NKAIN3: variants seen among roughly 807,000 people sequenced by gnomAD.
The protein encoded by NKAIN3 is sodium/potassium-transporting ATPase subunit beta-1-interacting protein 3.
NKAIN3 carries 25 observed loss-of-function variants against 30.2 expected under a neutral mutation model. That is an observed-to-expected ratio of 0.83 (90% CI 0.60 to 1.16). NKAIN3 has a LOEUF of 1.16. NKAIN3 is among the 50% of genes most tolerant of loss of function. The pLI, the probability that NKAIN3 is intolerant of heterozygous loss-of-function variation, is 0.00. For missense variants in NKAIN3, 225 were observed against 254.1 expected (o/e 0.89, Z 0.78); for synonymous variants, 91 against 89.6 (o/e 1.02, Z -0.09).
At chr8:62,823,113 T>C (rs995849494) in intron 4 of NKAIN3, among the ~76,000 whole-genome samples, 3 of 152,102 alleles carry the variant, frequency 2.0e-5, no homozygotes, top group Admixed American at 6.6e-5. Context: ...GGTGAGTGAA[T>C]GTGAAGGCCT....
At chr8:62,925,071 A>AT (rs1232963411) in intron 5 of NKAIN3, among the ~76,000 whole-genome samples, 5 of 152,076 alleles carry the variant, frequency 3.3e-5, no homozygotes, top group African/African-American at 1.2e-4. Context: ...AAACTCCTAC[A>AT]TGTTCTTTAA....
intron 1 of NKAIN3, among the ~76,000 whole-genome samples, chr8:62,311,752 T>A (rs927449484): frequency 1.3e-5 from 2 of 150,476 alleles, no homozygotes; most frequent in African/African-American, 5.0e-5. Context: ...GTGTGAAGAC[T>A]TTGGGAGGAT....
At chr8:62,362,876 G>A (rs1469502885) in intron 1 of NKAIN3, among the ~76,000 whole-genome samples, 1 of 151,600 alleles carries the variant, frequency 6.6e-6, no homozygotes, top group Non-Finnish European at 1.5e-5. Context: ...TTATAGCTCG[G>A]GTTTGCCTTA....
intron 5 of NKAIN3, among the ~76,000 whole-genome samples, chr8:62,989,976 C>A (rs556974669): frequency 2.6e-5 from 4 of 152,262 alleles, no homozygotes; most frequent in African/African-American, 9.6e-5. Context: ...ATTCCCTGCC[C>A]TGCACACAAA....
chr8:62,322,433 G>A (rs1416658339), intron 1 of NKAIN3, among the ~76,000 whole-genome samples: 1 of 151,746 alleles, frequency 6.6e-6, no homozygotes, highest in Non-Finnish European at 1.5e-5. Flanking sequence ...ACTGGGAGCT[G>A]TAGACTGGAG....
chr8:62,290,419 C>T (rs953932029), intron 1 of NKAIN3, among the ~76,000 whole-genome samples: 2 of 152,028 alleles, frequency 1.3e-5, no homozygotes, highest in South Asian at 2.1e-4. Context: ...TACGTCCCAG[C>T]GATACCTGAT....
chr8:62,957,290 C>T (rs1382347925), intron 6 of NKAIN3, among the ~76,000 whole-genome samples: 1 of 152,146 alleles, frequency 6.6e-6, no homozygotes, highest in South Asian at 2.1e-4. Context: ...CCCGCCACCA[C>T]GCCTGGCTAA....
chr8:62,454,985 G>T (rs1805768989), intron 1 of NKAIN3, among the ~76,000 whole-genome samples: 1 of 152,148 alleles, frequency 6.6e-6, no homozygotes, highest in Non-Finnish European at 1.5e-5. Flanking sequence ...AACTCAGGTG[G>T]AATCCTAAGG....
chr8:62,260,821 A>G (rs1483444392), intron 1 of NKAIN3, among the ~76,000 whole-genome samples: 1 of 152,174 alleles, frequency 6.6e-6, no homozygotes, highest in Non-Finnish European at 1.5e-5. Context: ...TTTAAAAGTC[A>G]ACACTTTCTA....
intron 1 of NKAIN3, among the ~76,000 whole-genome samples, chr8:62,341,913 T>C (rs1388556601): frequency 6.6e-6 from 1 of 152,010 alleles, no homozygotes; most frequent in Non-Finnish European, 1.5e-5. Context: ...ATTTAACTTT[T>C]CTCTGTGCTT....
intron 4 of NKAIN3, among the ~76,000 whole-genome samples, chr8:62,850,581 G>A (rs1819862344): frequency 6.6e-6 from 1 of 151,984 alleles, no homozygotes; most frequent in Admixed American, 6.6e-5. Context: ...GGGTTTTTAT[G>A]GTTTTAGGTC....
At chr8:62,443,050 C>T (rs1805375080) in intron 1 of NKAIN3, among the ~76,000 whole-genome samples, 1 of 151,864 alleles carries the variant, frequency 6.6e-6, no homozygotes, top group Non-Finnish European at 1.5e-5. Flanking sequence ...TGTCTTTTCT[C>T]CTTGTCTGAT....
chr8:62,320,242 G>A (rs1024351419), intron 1 of NKAIN3, among the ~76,000 whole-genome samples: 2 of 152,050 alleles, frequency 1.3e-5, no homozygotes, highest in South Asian at 4.1e-4. Context: ...ATGTGAGATG[G>A]GTTTCCTGAA....
At chr8:62,808,874 C>T (rs914150642) in intron 4 of NKAIN3, among the ~76,000 whole-genome samples, 3 of 152,118 alleles carry the variant, frequency 2.0e-5, no homozygotes, top group Non-Finnish European at 4.4e-5. Context: ...ACTGGTCTGA[C>T]TAAAATTTAC....
At position 62,450,317 on chromosome 8, in the gene NKAIN3, A is replaced by G. The variant is rs183497969; in HGVS notation, c.55-129222A>G. Among the ~76,000 whole-genome samples the G allele has an allele frequency of 2.1e-3, 322 of 152,274 alleles. 1 individual carries two copies. Among genetic ancestry groups the G allele is most frequent in the African/African-American group, 7.5e-3 (313 of 41,582 alleles). On this transcript the variant is annotated intron_variant, in intron 1 of 6. Transcript: ENST00000623646. ...TAAGGGATGGGTAAGATAGAAAGGT[A>G]GGAGACATTCAAAAAGTATGGTTTT...
chr8:62,578,996 A>G (rs1259768036), intron 1 of NKAIN3, among the ~76,000 whole-genome samples: 1 of 152,074 alleles, frequency 6.6e-6, no homozygotes, highest in Non-Finnish European at 1.5e-5. Context: ...TGGGGTGACT[A>G]TAGTCAACAA....
At chr8:62,789,776 T>C (rs1586197501) in intron 4 of NKAIN3, among the ~76,000 whole-genome samples, 1 of 152,160 alleles carries the variant, frequency 6.6e-6, no homozygotes, top group South Asian at 2.1e-4. Context: ...AAGTTGAATC[T>C]CTGAATAAAC....
At chr8:62,516,878 C>T (rs113405509) in intron 1 of NKAIN3, among the ~76,000 whole-genome samples, 1 of 151,950 alleles carries the variant, frequency 6.6e-6, no homozygotes, top group South Asian at 2.1e-4. Context: ...TCACATGTAC[C>T]CAAATGTGCA....
chr8:62,906,636 G>T (rs1172236022), intron 4 of NKAIN3, among the ~76,000 whole-genome samples: 1 of 152,144 alleles, frequency 6.6e-6, no homozygotes, highest in Admixed American at 6.6e-5. Flanking sequence ...TGCTGTTCTT[G>T]TGATAGTGAA....
Sources: allele counts gnomAD v4.1 joint callset (sites outside exome capture counted in the v4.1 genomes callset), GRCh38; gene constraint gnomAD v4.1.1; transcripts MANE v1.5; gene names NCBI Gene and HGNC (gene_info 2026-07-23, HGNC 2026-07-21).